Variants in NRG3 observed in about 807,000 individuals in gnomAD.
NRG3 encodes the protein pro-neuregulin-3, membrane-bound isoform.
Under a neutral mutation model 66.9 loss-of-function variants are expected in NRG3, and 31 were observed. The ratio of observed to expected loss-of-function variants is 0.46; its 90% confidence interval spans 0.35 to 0.63. The LOEUF (loss-of-function observed/expected upper bound fraction) is 0.63. Among genes scored for constraint, NRG3 ranks in the 20% least tolerant of loss-of-function variants. The probability of loss-of-function intolerance (pLI) is 0.00; values close to 1 mark genes in which losing one functional copy is unlikely to be tolerated. For synonymous variants in NRG3, 393 were observed against 359.4 expected (o/e 1.09, Z -1.06); for missense variants, 910 against 878.9 (o/e 1.04, Z -0.45).
chr10:82,014,848 G>C (rs554992214), intron 1 of NRG3, among the ~76,000 whole-genome samples: 1 of 152,222 alleles, frequency 6.6e-6, no homozygotes, highest in Admixed American at 6.5e-5. Flanking sequence ...AAAGAGGAAG[G>C]GAGGAATGGA....
At chr10:82,873,921 A>G (rs1841571332) in intron 4 of NRG3, among the ~76,000 whole-genome samples, 1 of 152,114 alleles carries the variant, frequency 6.6e-6, no homozygotes, top group Non-Finnish European at 1.5e-5. Flanking sequence ...TTTTTAAATC[A>G]AAAGATGTAT....
At position 82,552,797 on chromosome 10, in the gene NRG3, A is replaced by G. The variant is rs1279544889; in HGVS notation, c.954-185780A>G. On this transcript the variant is annotated intron_variant, in intron 2 of 8. Transcript: ENST00000372141. ...TGCCCATTTTACCAAGGAAATGGAG[A>G]CTTAGAGAAGTTAAGTGATGGGTTC... is the stretch of plus-strand genomic sequence containing the variant. 2.6e-5 allele frequency among the ~76,000 whole-genome samples: 4 copies of G among 152,260 alleles called. No homozygotes were observed. In the South Asian group the frequency reaches 6.2e-4, roughly 24 times the overall value.
At chr10:82,798,659 A>G (rs2060901860) in intron 3 of NRG3, among the ~76,000 whole-genome samples, 3 of 152,248 alleles carry the variant, frequency 2.0e-5, no homozygotes, top group Non-Finnish European at 4.4e-5. Context: ...AGTTGCAACT[A>G]CAATCACTTG....
intron 1 of NRG3, among the ~76,000 whole-genome samples, chr10:82,015,750 C>A (rs2061760909): frequency 6.6e-6 from 1 of 151,798 alleles, no homozygotes; most frequent in South Asian, 2.1e-4. Context: ...ATACATCTGT[C>A]TTCACTATTT....
intron 1 of NRG3, among the ~76,000 whole-genome samples, chr10:82,237,076 A>G (rs1452418740): frequency 6.6e-6 from 1 of 152,104 alleles, no homozygotes; most frequent in East Asian, 1.9e-4. Context: ...ACTCCTAATG[A>G]TTTCTAATGA....
At chr10:82,681,650 A>G (rs2054118767) in intron 2 of NRG3, among the ~76,000 whole-genome samples, 1 of 152,210 alleles carries the variant, frequency 6.6e-6, no homozygotes, top group Admixed American at 6.5e-5. Context: ...GACACCTTCT[A>G]AAATGAAGGA....
At chr10:81,898,589 G>GGCT (rs1179186586) in intron 1 of NRG3, among the ~76,000 whole-genome samples, 1 of 152,140 alleles carries the variant, frequency 6.6e-6, no homozygotes, top group Non-Finnish European at 1.5e-5. Context: ...GGGTGACATG[G>GGCT]GCTGCAGTAT....
chr10:82,132,881 CTAAT>C (rs758704728), intron 1 of NRG3, among the ~76,000 whole-genome samples: 10 of 151,818 alleles, frequency 6.6e-5, no homozygotes, highest in African/African-American at 1.7e-4. Flanking sequence ...ATATTAATCT[CTAAT>C]TATTCTTTGA....
intron 2 of NRG3, among the ~76,000 whole-genome samples, chr10:82,687,851 C>G (rs1436123687): frequency 6.6e-6 from 1 of 152,182 alleles, no homozygotes; most frequent in East Asian, 1.9e-4. Context: ...TCCTTTTACT[C>G]TCTTACTCTG....
At chr10:82,255,983 GTGCAATCTCGTCTCAC>G (rs1246366835) in intron 1 of NRG3, among the ~76,000 whole-genome samples, 1 of 151,172 alleles carries the variant, frequency 6.6e-6, no homozygotes, top group Admixed American at 6.6e-5. Context: ...GAGTTCAGTG[GTGCAATCTCGTCTCAC>G]TGCAACCTCC....
intron 1 of NRG3, among the ~76,000 whole-genome samples, chr10:81,931,251 C>G (rs572303476): frequency 6.6e-6 from 1 of 152,286 alleles, no homozygotes; most frequent in Non-Finnish European, 1.5e-5. Context: ...CATTCTCAGT[C>G]ATCTCATCTC....
At chr10:81,997,047 G>T (rs574526171) in intron 1 of NRG3, among the ~76,000 whole-genome samples, 51 of 152,236 alleles carry the variant, frequency 3.4e-4, no homozygotes, top group African/African-American at 1.2e-3. Flanking sequence ...TTACACTTAT[G>T]AATCTATAAG....
At chr10:82,365,621 G>C (rs557827090) in intron 2 of NRG3, among the ~76,000 whole-genome samples, 1 of 152,120 alleles carries the variant, frequency 6.6e-6, no homozygotes, top group Admixed American at 6.5e-5. Context: ...CTTAAGCAGT[G>C]GTTTACCTCT....
chr10:81,944,353 T>C (rs1283785166), intron 1 of NRG3, among the ~76,000 whole-genome samples: 1 of 152,218 alleles, frequency 6.6e-6, no homozygotes, highest in African/African-American at 2.4e-5. Flanking sequence ...ATTGTATAGC[T>C]ACAAGAGAGT....
chr10:82,279,424 T>A (rs2079020211), intron 1 of NRG3, among the ~76,000 whole-genome samples: 1 of 152,170 alleles, frequency 6.6e-6, no homozygotes, highest in Non-Finnish European at 1.5e-5. Flanking sequence ...TTTTCCAAAA[T>A]CCACATAGAC....
intron 1 of NRG3, among the ~76,000 whole-genome samples, chr10:81,906,915 T>C (rs1316587424): frequency 6.6e-6 from 1 of 152,122 alleles, no homozygotes; most frequent in Non-Finnish European, 1.5e-5. Context: ...TCTAGAGGAT[T>C]AGTCAGAGAG....
At chr10:82,089,505 G>GC (rs1211043892) in intron 1 of NRG3, among the ~76,000 whole-genome samples, 2 of 152,298 alleles carry the variant, frequency 1.3e-5, no homozygotes, top group Admixed American at 1.3e-4. Flanking sequence ...AAAGCAGCCA[G>GC]GGGGTGGAGT....
intron 1 of NRG3, among the ~76,000 whole-genome samples, chr10:81,926,776 T>G (rs901253220): frequency 6.6e-6 from 1 of 152,212 alleles, no homozygotes; most frequent in Non-Finnish European, 1.5e-5. Flanking sequence ...CCCTAAATTA[T>G]AAGAGTTTAA....
chr10:82,953,041 T>C (rs759208612), intron 5 of NRG3, among the ~76,000 whole-genome samples: 96 of 152,026 alleles, frequency 6.3e-4, no homozygotes, highest in Non-Finnish European at 1.1e-3. Context: ...CTAACTAAAG[T>C]CTGTATTTTC....
Sources: gnomAD v4.1 joint callset for allele counts (sites outside exome capture counted in the v4.1 genomes callset) on GRCh38, gnomAD v4.1.1 for gene constraint, MANE v1.5 for transcripts, NCBI Gene and HGNC (gene_info 2026-07-23, HGNC 2026-07-21) for gene names.